Variants in INSYN2A observed in about 807,000 individuals in gnomAD.
The protein encoded by INSYN2A is family with sequence similarity 196 member A.
In INSYN2A, 17 loss-of-function variants were observed where a neutral mutation model predicts 39.4. The observed-to-expected ratio is 0.43, with a 90% CI of 0.30 to 0.65. The LOEUF (loss-of-function observed/expected upper bound fraction) is 0.65. Ranked by LOEUF, INSYN2A falls within the 30% of genes least tolerant of loss-of-function variation. The pLI is 0.14. For missense variants in INSYN2A, 595 were observed against 631.2 expected, an observed-to-expected ratio of 0.94 and a Z score of 0.61; for synonymous variants, 255 against 265.7, an observed-to-expected ratio of 0.96 and a Z score of 0.39.
chr10:127,185,483 A>C (rs2056145019), intron 2 of INSYN2A, among the ~76,000 whole-genome samples: 1 of 152,290 alleles, frequency 6.6e-6, no homozygotes, highest in East Asian at 1.9e-4. Context: ...CCGAGATTGC[A>C]CCACTGCACT....
At chr10:127,142,378 TGGTGCTGCTGCCCTCCTGCTGGAGGG>T (rs1215740581) in intron 5 of INSYN2A, among the ~76,000 whole-genome samples, 2 of 152,098 alleles carry the variant, frequency 1.3e-5, no homozygotes, top group Admixed American at 1.3e-4. Context: ...AGGCTGCAGG[TGGTGCTGCTGCCCTCCTGCTGGAGGG>T]ATCTGGTGTT....
intron 2 of INSYN2A, among the ~76,000 whole-genome samples, chr10:127,187,738 GAA>G (rs934655490): frequency 1.7e-5 from 2 of 115,836 alleles, no homozygotes; most frequent in African/African-American, 5.6e-5. Context: ...GAGAAAGAAA[GAA>G]AGAAAGAGAG....
At chr10:127,166,011 CAG>C (rs1177096424) in intron 4 of INSYN2A, among the ~76,000 whole-genome samples, 1 of 152,184 alleles carries the variant, frequency 6.6e-6, no homozygotes, top group Non-Finnish European at 1.5e-5. Context: ...AGGGAAAATC[CAG>C]ACTTGCATTA....
chr10:127,144,574 C>T (rs995597116), intron 5 of INSYN2A, among the ~76,000 whole-genome samples: 6 of 152,282 alleles, frequency 3.9e-5, no homozygotes, highest in East Asian at 1.9e-4. Flanking sequence ...AAAGTGCTGC[C>T]GCCCTATTTT....
At chr10:127,183,229 C>G (rs1483391749) in intron 2 of INSYN2A, among the ~76,000 whole-genome samples, 1 of 151,886 alleles carries the variant, frequency 6.6e-6, no homozygotes, top group African/African-American at 2.4e-5. Context: ...TTGAGGATAC[C>G]CTATTGGGAC....
chr10:127,191,798 T>C (rs2056775057), intron 2 of INSYN2A, among the ~76,000 whole-genome samples: 1 of 152,182 alleles, frequency 6.6e-6, no homozygotes, highest in Non-Finnish European at 1.5e-5. Context: ...CTTTTTCCTC[T>C]TTCTCTCTGG....
rs1452212093 is a variant in INSYN2A at position 127,186,506 on chromosome 10, C to T, written c.-269+6099G>A. 3.2e-3 allele frequency among the ~76,000 whole-genome samples: 61 copies of T among 19,148 alleles called. 10 individuals carry two copies. Among genetic ancestry groups the T allele is most frequent in the Non-Finnish European group, 6.5e-3 (49 of 7,526 alleles). The allele number at this position is 19,148 out of a possible 152,430, so 12.6% of individuals were successfully genotyped here. On this transcript the variant is annotated intron_variant, in intron 2 of 5. Transcript: ENST00000522781. ...ATCATGATAACAGCATGGGAGAAAC[C>T]GCCCCCCCGCCCCCCCCCGATCCAG...
At chr10:127,147,837 C>G (rs2052043609) in intron 5 of INSYN2A, among the ~76,000 whole-genome samples, 1 of 151,546 alleles carries the variant, frequency 6.6e-6, no homozygotes, top group Non-Finnish European at 1.5e-5. Context: ...TTGAGAACAG[C>G]CTGGCCAATA....
intron 4 of INSYN2A, among the ~76,000 whole-genome samples, chr10:127,162,994 C>T (rs559603481): frequency 5.9e-5 from 9 of 152,262 alleles, no homozygotes; most frequent in East Asian, 1.9e-4. Flanking sequence ...TGTTCTAACC[C>T]GCATGCAAAC....
intron 2 of INSYN2A, among the ~76,000 whole-genome samples, chr10:127,179,728 A>G (rs1486838197): frequency 6.6e-6 from 1 of 152,224 alleles, no homozygotes; most frequent in Non-Finnish European, 1.5e-5. Flanking sequence ...GACTTTCCCT[A>G]AGACAAGTGG....
At position 127,184,357 on chromosome 10, in the gene INSYN2A, A is replaced by G. The variant is rs563422933; in HGVS notation, c.-268-7218T>C. On this transcript the variant is annotated intron_variant, in intron 2 of 5. Coordinates refer to ENST00000522781, the MANE Select transcript of INSYN2A (RefSeq NM_001039762.3). The stretch of plus-strand genomic sequence containing the variant: ...CCCAAATCAGTCGTCACCATGCCCT[A>G]TTCGTTTTTGTTTTTCCTTCCTGTT... Among the ~76,000 whole-genome samples, 12 of 122,744 alleles carry G rather than the reference A, an allele frequency of 9.8e-5. No homozygotes were observed. The East Asian group carries it at 2.4e-3, about 24-fold the overall frequency. 80.5% of individuals were successfully genotyped at this position (122,744 alleles called of 152,430 possible).
At chr10:127,158,416 T>C (rs2053284624) in intron 4 of INSYN2A, among the ~76,000 whole-genome samples, 1 of 152,190 alleles carries the variant, frequency 6.6e-6, no homozygotes, top group East Asian at 1.9e-4. Flanking sequence ...AACATTTGGA[T>C]CACAAATTAT....
Position 127,136,893 on chromosome 10 carries a change from A to G in INSYN2A, c.*944T>C, listed in dbSNP as rs2050749086. The G allele has an allele frequency of 6.6e-6, 1 of 152,534 alleles. No homozygotes were observed. Among genetic ancestry groups the G allele is most frequent in the Admixed American group, 6.6e-5 (1 of 15,266 alleles). 9.4% of individuals were successfully genotyped at this position (152,534 alleles called of 1,614,324 possible). The stretch of plus-strand genomic sequence containing the variant: ...ACGTCTGGCTGCACTTACCATGGCT[A>G]ACAGTGTCTCGGAGGATCGATCCAC... On this transcript the variant is annotated 3_prime_UTR_variant, in exon 6 of 6. Coordinates refer to ENST00000522781, the MANE Select transcript of INSYN2A (RefSeq NM_001039762.3).
At chr10:127,148,698 CT>C (rs2133419330) in intron 5 of INSYN2A, among the ~76,000 whole-genome samples, 1 of 152,318 alleles carries the variant, frequency 6.6e-6, no homozygotes, top group East Asian at 1.9e-4. Context: ...GAAATTTCAG[CT>C]GCTTATGAGC....
chr10:127,190,940 T>C (rs2056711670), intron 2 of INSYN2A, among the ~76,000 whole-genome samples: 1 of 152,048 alleles, frequency 6.6e-6, no homozygotes, highest in African/African-American at 2.4e-5. Flanking sequence ...CTTAATCTTC[T>C]GAGAATATAT....
At chr10:127,185,411 A>G (rs2056138211) in intron 2 of INSYN2A, among the ~76,000 whole-genome samples, 1 of 152,172 alleles carries the variant, frequency 6.6e-6, no homozygotes, top group Non-Finnish European at 1.5e-5. Context: ...CTGTAATCCC[A>G]GCTACTTGGG....
chr10:127,147,531 C>T lies in INSYN2A; in HGVS notation c.1256+6321G>A, dbSNP rs1343788585. Among the ~76,000 whole-genome samples, 3 of 152,152 alleles carry T rather than the reference C, an allele frequency of 2.0e-5. No individual in the cohort carries two copies. In the East Asian group the frequency reaches 5.8e-4, roughly 29 times the overall value. ...TACAGAGGGCTCTCTCTCGCCAGAG[C>T]TCTGTCCTTACCCTCATCCCGGGGT... On this transcript the variant is annotated intron_variant, in intron 5 of 5. Coordinates refer to ENST00000522781, the MANE Select transcript of INSYN2A (RefSeq NM_001039762.3).
Position 127,176,144 on chromosome 10 carries a change from G to A in INSYN2A, c.252C>T (p.Tyr84=). Residue 84 remains tyrosine (Y), a synonymous_variant, in exon 4 of 6, where the codon TAC becomes TAT. Coordinates refer to ENST00000522781, the MANE Select transcript of INSYN2A (RefSeq NM_001039762.3). This position sits in a 1 kb window ranked among gnomAD's most constrained non-coding sequence, Gnocchi z 4.4. Reference sequence around the variant, plus strand: ...GTGCGGGCACTGTCATGTATTTGCGGTAGGCTGCTCTGCAGGACACGGGCT... The same window carrying A: ...GTGCGGGCACTGTCATGTATTTGCGATAGGCTGCTCTGCAGGACACGGGCT... ...EAKPVSCRAA[Y]RKYMTVPARR... 1 of 1,614,154 alleles carries A rather than the reference G, an allele frequency of 6.2e-7. No individual in the cohort carries two copies. The highest frequency in any genetic ancestry group is 8.5e-7 in the Non-Finnish European group (1 of 1,180,036).
intron 4 of INSYN2A, among the ~76,000 whole-genome samples, chr10:127,162,724 T>A (rs2053693938): frequency 6.6e-6 from 1 of 152,176 alleles, no homozygotes; most frequent in Admixed American, 6.5e-5. Context: ...TCATAGACCT[T>A]AATGGACTTT....
Sources: allele counts gnomAD v4.1 joint callset (sites outside exome capture counted in the v4.1 genomes callset), GRCh38; gene constraint gnomAD v4.1.1; non-coding constraint Gnocchi (gnomAD v3.1); transcripts MANE v1.5; gene names NCBI Gene and HGNC (gene_info 2026-07-23, HGNC 2026-07-21).